SEPTIN10: variants seen among roughly 807,000 people sequenced by gnomAD.
SEPTIN10 encodes septin-10.
A neutral mutation model predicts 54.8 loss-of-function variants in SEPTIN10; 66 were observed. The observed-to-expected ratio is 1.21, with a 90% CI of 0.99 to 1.48. The LOEUF is 1.48. Ranked by LOEUF, SEPTIN10 falls within the 40% of genes most tolerant of loss-of-function variation. The pLI is 0.00. For synonymous variants in SEPTIN10, 161 were observed against 181.0 expected, an observed-to-expected ratio of 0.89 and a Z score of 0.89; for missense variants, 620 against 545.6, an observed-to-expected ratio of 1.14 and a Z score of -1.36.
At chr2:109,568,377 T>TC (rs1357540579) in intron 5 of SEPTIN10, among the ~76,000 whole-genome samples, 1 of 150,284 alleles carries the variant, frequency 6.7e-6, no homozygotes, top group Non-Finnish European at 1.5e-5. Context: ...CACAATCTTT[T>TC]TTTTTTTTTT....
At chr2:109,576,024 A>G (rs1384392575) in intron 4 of SEPTIN10, among the ~76,000 whole-genome samples, 1 of 152,138 alleles carries the variant, frequency 6.6e-6, no homozygotes, top group Non-Finnish European at 1.5e-5. Context: ...TGGGAGACCA[A>G]GGCAGGAGGA....
At chr2:109,590,566 G>A (rs2105905073) in intron 2 of SEPTIN10, among the ~76,000 whole-genome samples, 1 of 152,138 alleles carries the variant, frequency 6.6e-6, no homozygotes, top group East Asian at 1.9e-4. Context: ...CGAGCAGCTA[G>A]GATTATAGGT....
chr2:109,545,633 TTA>T lies in SEPTIN10; in HGVS notation c.1349+415_1349+416del, dbSNP rs750007706. 8.4e-4 allele frequency: 1,278 copies of T among 1,517,092 alleles called. 4 individuals carry two copies. The highest frequency in any genetic ancestry group is 6.0e-3 in the Middle Eastern group (32 of 5,292). The allele number at this position is 1,517,092 out of a possible 1,614,324, so 94.0% of individuals were successfully genotyped here. ...AGAATTAATTCAATAAAATACTATC[TTA>T]TGTCTATAATTCCCCAACAAAGGGC... is the stretch of plus-strand genomic sequence containing the variant. On this transcript the variant is annotated intron_variant, in intron 10 of 10. Transcript: ENST00000397712.
At chr2:109,602,897 G>A (rs888227038) in intron 1 of SEPTIN10, among the ~76,000 whole-genome samples, 2 of 119,124 alleles carry the variant, frequency 1.7e-5, no homozygotes, top group East Asian at 5.0e-4. Context: ...GGCAGACCCT[G>A]TCTCAAAAAA....
intron 1 of SEPTIN10, among the ~76,000 whole-genome samples, chr2:109,598,177 C>T (rs771004673): frequency 6.6e-6 from 1 of 152,022 alleles, no homozygotes; most frequent in Non-Finnish European, 1.5e-5. Context: ...ATTTGTCTGC[C>T]TCAGCCTCCC....
chr2:109,578,766 C>G (rs1361651155), intron 4 of SEPTIN10, among the ~76,000 whole-genome samples: 1 of 146,174 alleles, frequency 6.8e-6, no homozygotes, highest in African/African-American at 2.5e-5. Context: ...GATTCCACCT[C>G]AAAAAAGAAA....
At chr2:109,604,389 A>AGGGGAGGGGAGGGGAGGGGC (rs1458364812) in intron 1 of SEPTIN10, among the ~76,000 whole-genome samples, 2 of 26,702 alleles carry the variant, frequency 7.5e-5, no homozygotes, top group Non-Finnish European at 7.2e-5. Context: ...AGGGAAGGGG[A>AGGGGAGGGGAGGGGAGGGGC]GGGGCGGGGC....
chr2:109,604,749 G>C (rs1697553484), intron 1 of SEPTIN10: 2 of 152,210 alleles, frequency 1.3e-5, no homozygotes, highest in Non-Finnish European at 1.5e-5. Context: ...CACAGTAGTG[G>C]AATCTGCGTG....
At chr2:109,547,259 A>C (rs540218162) in intron 9 of SEPTIN10, among the ~76,000 whole-genome samples, 32 of 152,126 alleles carry the variant, frequency 2.1e-4, no homozygotes, top group Admixed American at 8.5e-4. Context: ...GTAAAAATTA[A>C]CTGTTCTTTG....
In SEPTIN10 at chr2:109,559,909, G is replaced by GT. The variant is rs1211823879; in HGVS notation, c.1028+4456_1028+4457insA. The stretch of plus-strand genomic sequence containing the variant: ...CAGACCTATGTAGCCTCCAACCAAT[G>GT]CCTTTTTTTTTTTTTTTTTTTTGTC... On this transcript the variant is annotated intron_variant, in intron 8 of 10. Coordinates refer to ENST00000397712, the MANE Select transcript of SEPTIN10 (RefSeq NM_144710.5). Among the ~76,000 whole-genome samples the GT allele has an allele frequency of 1.0e-3, 116 of 115,154 alleles. 5 individuals are homozygous for GT. Among genetic ancestry groups the GT allele is most frequent in the East Asian group, 9.4e-3 (39 of 4,146 alleles). The allele number at this position is 115,154 out of a possible 152,430, so 75.5% of individuals were successfully genotyped here.
chr2:109,601,819 T>C (rs925016301), intron 1 of SEPTIN10, among the ~76,000 whole-genome samples: 1 of 152,090 alleles, frequency 6.6e-6, no homozygotes, highest in Non-Finnish European at 1.5e-5. Context: ...AGATTAAGTT[T>C]TCTAATACTC....
intron 4 of SEPTIN10, among the ~76,000 whole-genome samples, chr2:109,577,511 G>A: frequency 6.6e-6 from 1 of 151,838 alleles, no homozygotes; most frequent in East Asian, 1.9e-4. Flanking sequence ...AGAACTGCTG[G>A]AGTGCAGGAG....
At chr2:109,573,797 G>C (rs1195994199) in intron 5 of SEPTIN10, among the ~76,000 whole-genome samples, 2 of 152,156 alleles carry the variant, frequency 1.3e-5, no homozygotes, top group African/African-American at 4.8e-5. Context: ...GTTAGTTTAT[G>C]AATTTTTCTA....
At chr2:109,603,294 G>T (rs1282308377) in intron 1 of SEPTIN10, among the ~76,000 whole-genome samples, 2 of 151,740 alleles carry the variant, frequency 1.3e-5, no homozygotes, top group African/African-American at 4.8e-5. Flanking sequence ...GAGTGCAGTG[G>T]CGCAATCTCG....
At chr2:109,568,090 CG>C (rs1174113211) in intron 5 of SEPTIN10, 114 bp from the exon 6 acceptor site, 7 of 795,780 alleles carry the variant, frequency 8.8e-6, no homozygotes, top group Non-Finnish European at 1.4e-5. Context: ...AAACCTAGAT[CG>C]GGGGGCTGGC....
intron 10 of SEPTIN10, chr2:109,545,704 T>A (rs548818220): frequency 1.6e-5 from 23 of 1,458,068 alleles, no homozygotes; most frequent in Admixed American, 9.7e-5. Flanking sequence ...TCATGGTAGG[T>A]CAGCAGCCAT....
intron 4 of SEPTIN10, among the ~76,000 whole-genome samples, chr2:109,575,468 T>C (rs1245043014): frequency 6.6e-6 from 1 of 152,250 alleles, no homozygotes; most frequent in Non-Finnish European, 1.5e-5. Context: ...TTACATCCTC[T>C]ACTCAGGTAA....
chr2:109,543,406 C>T lies in SEPTIN10; in HGVS notation c.*903G>A, dbSNP rs12619004. ...GATATTTTGTTTCACCACAGTAATA[C>T]GTCAGCCATAATAAGGCATAATAAA... On this transcript the variant is annotated 3_prime_UTR_variant, in exon 11 of 11. Transcript: ENST00000397712. The T allele has an allele frequency of 5.3e-5, 8 of 151,990 alleles. No homozygotes were observed. The highest frequency in any genetic ancestry group is 1.0e-4 in the Non-Finnish European group (7 of 67,998). 9.4% of individuals were successfully genotyped at this position (151,990 alleles called of 1,614,324 possible).
chr2:109,603,927 C>A (rs946257238), intron 1 of SEPTIN10, among the ~76,000 whole-genome samples: 1 of 151,442 alleles, frequency 6.6e-6, no homozygotes. Context: ...TTTGGGAGGC[C>A]GAGGCGGGCG....
Sources: gnomAD v4.1 joint callset for allele counts (sites outside exome capture counted in the v4.1 genomes callset) on GRCh38, gnomAD v4.1.1 for gene constraint, MANE v1.5 for transcripts, NCBI Gene and HGNC (gene_info 2026-07-23, HGNC 2026-07-21) for gene names.